The following CALN1 variants were observed in gnomAD, a reference collection of about 807,000 sequenced individuals.
CALN1 encodes calcium-binding protein 8.
CALN1 carries 17 observed loss-of-function variants against 30.6 expected under a neutral mutation model. The ratio of observed to expected loss-of-function variants is 0.56; its 90% CI spans 0.38 to 0.83. The LOEUF is 0.83. Among genes scored for constraint, CALN1 ranks in the 40% least tolerant of loss-of-function variants. The probability of loss-of-function intolerance (pLI) is 0.00; values close to 1 mark genes in which losing one functional copy is unlikely to be tolerated. For synonymous variants in CALN1, 156 were observed against 131.4 expected (o/e 1.19, Z -1.28); for missense variants, 291 against 354.9 (o/e 0.82, Z 1.45).
intron 2 of CALN1, among the ~76,000 whole-genome samples, chr7:72,342,511 G>A (rs1345168880): frequency 6.6e-6 from 1 of 152,108 alleles, no homozygotes; most frequent in South Asian, 2.1e-4. Context: ...AACTCAACAT[G>A]GAACAAAATG....
intron 3 of CALN1, among the ~76,000 whole-genome samples, chr7:72,275,379 T>C (rs144715013): frequency 0.012 from 1,773 of 152,114 alleles, 36 homozygotes; most frequent in African/African-American, 0.041. Context: ...CACCAATCCA[T>C]AGTCATCTGA....
At chr7:72,372,438 G>A (rs908568498) in intron 2 of CALN1, among the ~76,000 whole-genome samples, 1 of 152,154 alleles carries the variant, frequency 6.6e-6, no homozygotes, top group Admixed American at 6.6e-5. Context: ...TAGCTGGAGA[G>A]CCAACAAAGG....
intron 2 of CALN1, among the ~76,000 whole-genome samples, chr7:72,369,359 T>TTTTTGTTGTTG (rs3030372): frequency 0.55 from 80,752 of 146,542 alleles, 22,601 homozygotes; most frequent in East Asian, 0.72. Context: ...TATTTATTTT[T>TTTTTGTTGTTG]TTGTTGTTGT....
chr7:72,207,859 T>TA (rs1420539848), intron 3 of CALN1, among the ~76,000 whole-genome samples: 3 of 152,198 alleles, frequency 2.0e-5, no homozygotes, highest in Admixed American at 6.5e-5. Context: ...ACTTTTATAG[T>TA]AAAAAAGTGC....
chr7:72,000,966 A>T (rs1799498932), intron 5 of CALN1, among the ~76,000 whole-genome samples: 1 of 152,218 alleles, frequency 6.6e-6, no homozygotes, highest in African/African-American at 2.4e-5. Context: ...TAAAATAGTA[A>T]TTGGTCATAG....
At chr7:72,362,482 A>G (rs1271726793) in intron 2 of CALN1, among the ~76,000 whole-genome samples, 1 of 152,172 alleles carries the variant, frequency 6.6e-6, no homozygotes, top group Admixed American at 6.5e-5. Flanking sequence ...TCAAAGCCTC[A>G]TCTGGTCTGG....
chr7:71,928,739 G>C (rs1233565730), intron 5 of CALN1, among the ~76,000 whole-genome samples: 1 of 152,022 alleles, frequency 6.6e-6, no homozygotes, highest in Non-Finnish European at 1.5e-5. Flanking sequence ...GCCGCAAAAA[G>C]AAATATTCTA....
intron 6 of CALN1, among the ~76,000 whole-genome samples, chr7:71,796,612 C>G (rs1480348900): frequency 1.3e-5 from 2 of 152,076 alleles, no homozygotes; most frequent in Non-Finnish European, 2.9e-5. Context: ...CCTGCCTCGG[C>G]CTCCCAAAGT....
At chr7:72,331,721 G>C (rs1423828728) in intron 2 of CALN1, among the ~76,000 whole-genome samples, 1 of 151,866 alleles carries the variant, frequency 6.6e-6, no homozygotes, top group Non-Finnish European at 1.5e-5. Flanking sequence ...AAGTTCAGAG[G>C]TACATGTGCA....
intron 3 of CALN1, among the ~76,000 whole-genome samples, chr7:72,246,169 C>T (rs1015430080): frequency 5.9e-5 from 9 of 152,186 alleles, no homozygotes; most frequent in Non-Finnish European, 2.9e-5. Context: ...GGAATCAACT[C>T]CTTATGCAAT....
rs1554319582 is a variant in CALN1 at position 72,205,551 on chromosome 7, A to ATATATATACATATATATATAT, written c.244+73134_244+73135insATATATATATATGTATATATA. ...ATTTTTCTCCTGATTGCAAAAAAAA[A>ATATATATACATATATATATAT]ATATATATATATATATGTATATATA... On this transcript the variant is annotated intron_variant, in intron 3 of 6. Transcript: ENST00000395275. 1.7e-4 allele frequency among the ~76,000 whole-genome samples: 14 copies of ATATATATACATATATATATAT among 83,040 alleles called. No homozygotes were observed. The East Asian group carries it at 2.6e-3, about 16-fold the overall frequency. The allele number at this position is 83,040 out of a possible 152,430, so 54.5% of individuals were successfully genotyped here. A position where few individuals can be genotyped will look rare whatever the true frequency, so the allele number is the denominator to read the frequency against.
intron 5 of CALN1, among the ~76,000 whole-genome samples, chr7:71,857,473 C>T (rs1791023916): frequency 6.6e-6 from 1 of 152,148 alleles, no homozygotes; most frequent in African/African-American, 2.4e-5. Context: ...TGGCTGAGAA[C>T]TGCTGCCTTG....
chr7:72,358,095 G>A (rs1783103966), intron 2 of CALN1, among the ~76,000 whole-genome samples: 1 of 151,736 alleles, frequency 6.6e-6, no homozygotes, highest in Non-Finnish European at 1.5e-5. Context: ...GAGCTCAAGT[G>A]ATCCTCCCAC....
At chr7:72,405,715 C>T (rs1054573884) in intron 1 of CALN1, among the ~76,000 whole-genome samples, 2 of 142,428 alleles carry the variant, frequency 1.4e-5, no homozygotes, top group African/African-American at 2.8e-5. Flanking sequence ...ACAGTAGAAA[C>T]GCAAAAAAAA....
intron 2 of CALN1, among the ~76,000 whole-genome samples, chr7:72,401,953 A>T (rs1806368925): frequency 6.6e-6 from 1 of 152,066 alleles, no homozygotes. Flanking sequence ...CATTTATCCT[A>T]GGCTGGTAAA....
chr7:71,968,769 C>A (rs1345154045), intron 5 of CALN1, among the ~76,000 whole-genome samples: 1 of 150,682 alleles, frequency 6.6e-6, no homozygotes, highest in Non-Finnish European at 1.5e-5. Context: ...AAGTGGCTGG[C>A]TGTGGTGGCT....
chr7:72,030,144 G>A (rs906391663), intron 4 of CALN1, among the ~76,000 whole-genome samples: 2 of 152,214 alleles, frequency 1.3e-5, no homozygotes, highest in Admixed American at 6.5e-5. Flanking sequence ...CTTGGTGAGG[G>A]AGAAAAACCC....
At chr7:71,790,962 A>G (rs147395236) in intron 6 of CALN1, among the ~76,000 whole-genome samples, 136 of 152,262 alleles carry the variant, frequency 8.9e-4, no homozygotes, top group African/African-American at 3.0e-3. Flanking sequence ...AGCAAAAGAA[A>G]AAGGTCAAGG....
chr7:72,182,390 G>A (rs1789874907), intron 3 of CALN1, among the ~76,000 whole-genome samples: 1 of 152,156 alleles, frequency 6.6e-6, no homozygotes, highest in South Asian at 2.1e-4. Flanking sequence ...AAAATCTGTA[G>A]GAAGGGAAAT....
Sources: allele counts gnomAD v4.1 joint callset (sites outside exome capture counted in the v4.1 genomes callset), GRCh38; gene constraint gnomAD v4.1.1; transcripts MANE v1.5; gene names NCBI Gene and HGNC (gene_info 2026-07-23, HGNC 2026-07-21).